The following TIAM1 variants were observed in gnomAD, a reference collection of about 807,000 sequenced individuals.
TIAM1 encodes the protein rho guanine nucleotide exchange factor TIAM1.
TIAM1 carries 65 observed loss-of-function variants against 163.5 expected under a neutral mutation model. That is an observed-to-expected ratio of 0.40 (90% CI 0.33 to 0.49). TIAM1 has a LOEUF of 0.49. Among genes scored for constraint, TIAM1 ranks in the 20% least tolerant of loss-of-function variants. The probability of loss-of-function intolerance (pLI) is 0.77; values close to 1 mark genes in which losing one functional copy is unlikely to be tolerated. For missense variants in TIAM1, 1,789 were observed against 2,044.7 expected (o/e 0.87, Z 2.41); for synonymous variants, 833 against 810.1 (o/e 1.03, Z -0.48).
intron 1 of TIAM1, among the ~76,000 whole-genome samples, chr21:31,477,721 T>C (rs1020101221): frequency 2.6e-5 from 4 of 152,038 alleles, no homozygotes; most frequent in African/African-American, 9.7e-5. Context: ...TTTTTTAAAA[T>C]TGAGATCAGG....
chr21:31,213,115 A>G, intron 10 of TIAM1: 1 of 362,020 alleles, frequency 2.8e-6, no homozygotes, highest in South Asian at 3.9e-5. Context: ...ATATTCAGCT[A>G]TTCAGAACCC....
Position 31,432,553 on chromosome 21 carries a change from G to A in TIAM1, c.-369+31430C>T, listed in dbSNP as rs533153303. On this transcript the variant is annotated intron_variant, in intron 2 of 28. Transcript: ENST00000286827. ...CATGGCCTTCCCAGACACACTCTCC[G>A]GCCAGTTTGTGAAAAAGCCATAGGA... 5.8e-4 allele frequency among the ~76,000 whole-genome samples: 89 copies of A among 152,234 alleles called. No homozygotes were observed. In the South Asian group the frequency reaches 0.018, roughly 30 times the overall value.
intron 2 of TIAM1, among the ~76,000 whole-genome samples, chr21:31,415,506 A>T (rs899859970): frequency 1.3e-5 from 2 of 152,140 alleles, no homozygotes; most frequent in Non-Finnish European, 2.9e-5. Context: ...AATCAGGGAT[A>T]TGGGTGATCA....
intron 7 of TIAM1, among the ~76,000 whole-genome samples, chr21:31,225,020 A>C (rs565166872): frequency 2.4e-4 from 36 of 152,106 alleles, no homozygotes; most frequent in East Asian, 1.7e-3. Context: ...ATCTCTCTCT[A>C]TATATATCTA....
intron 1 of TIAM1, among the ~76,000 whole-genome samples, chr21:31,491,467 C>G (rs1473834846): frequency 2.0e-5 from 3 of 152,208 alleles, no homozygotes; most frequent in African/African-American, 7.2e-5. Flanking sequence ...TGATCCCCAG[C>G]AAGGCACAGA....
At chr21:31,394,728 T>TCTCTCTCACACACA (rs1279053911) in intron 2 of TIAM1, among the ~76,000 whole-genome samples, 2 of 95,704 alleles carry the variant, frequency 2.1e-5, no homozygotes, top group African/African-American at 8.3e-5. Flanking sequence ...TCTCTCTCTC[T>TCTCTCTCACACACA]CACACACACA....
intron 2 of TIAM1, among the ~76,000 whole-genome samples, chr21:31,410,078 G>A (rs772815956): frequency 6.8e-6 from 1 of 146,748 alleles, no homozygotes; most frequent in African/African-American, 2.7e-5. Context: ...CAGCACTGAG[G>A]GCGTAGCAGT....
At chr21:31,190,057 TG>T (rs2085479781) in intron 13 of TIAM1, among the ~76,000 whole-genome samples, 2 of 152,164 alleles carry the variant, frequency 1.3e-5, no homozygotes, top group African/African-American at 2.4e-5. Flanking sequence ...GAAGGGATCA[TG>T]AGTGGCAACT....
chr21:31,167,970 T>G (rs959103391), intron 15 of TIAM1, among the ~76,000 whole-genome samples: 1 of 151,810 alleles, frequency 6.6e-6, no homozygotes, highest in African/African-American at 2.4e-5. Context: ...TAAAAAGACA[T>G]AGACTAAAAG....
chr21:31,488,887 A>C (rs79573360), intron 1 of TIAM1, among the ~76,000 whole-genome samples: 1 of 152,100 alleles, frequency 6.6e-6, no homozygotes, highest in Non-Finnish European at 1.5e-5. Context: ...ACAGGAAAAC[A>C]TAAGTGAAAA....
intron 2 of TIAM1, among the ~76,000 whole-genome samples, chr21:31,384,087 G>C (rs990953381): frequency 3.3e-5 from 5 of 152,082 alleles, no homozygotes; most frequent in African/African-American, 1.2e-4. Flanking sequence ...CCATATTCTT[G>C]TAACGCACTC....
chr21:31,493,709 G>A (rs73197644), intron 1 of TIAM1, among the ~76,000 whole-genome samples: 4,554 of 152,256 alleles, frequency 0.03, 92 homozygotes, highest in Non-Finnish European at 0.043. Context: ...ACACGTCGGA[G>A]CTGTGCTTTA....
chr21:31,515,599 A>G (rs1173044356), intron 1 of TIAM1, among the ~76,000 whole-genome samples: 3 of 152,228 alleles, frequency 2.0e-5, no homozygotes, highest in Non-Finnish European at 4.4e-5. Context: ...AACCTCTTCT[A>G]AAACTTGAAA....
chr21:31,222,707 A>ATTTTTTTTT (rs527864043), intron 8 of TIAM1, among the ~76,000 whole-genome samples: 2 of 32,886 alleles, frequency 6.1e-5, no homozygotes, highest in African/African-American at 2.7e-4. Flanking sequence ...ATATATATAT[A>ATTTTTTTTT]TTTTTTTTTT....
At chr21:31,358,077 C>T (rs550718955) in intron 2 of TIAM1, among the ~76,000 whole-genome samples, 45 of 152,328 alleles carry the variant, frequency 3.0e-4, no homozygotes, top group African/African-American at 7.0e-4. Flanking sequence ...TGTCCAGCTA[C>T]GGGGGCTGTG....
intron 2 of TIAM1, among the ~76,000 whole-genome samples, chr21:31,310,409 A>C (rs1041467252): frequency 1.3e-5 from 2 of 152,224 alleles, no homozygotes; most frequent in Non-Finnish European, 2.9e-5. Flanking sequence ...ATAGGCAGTA[A>C]GTAAACCTAT....
Position 31,463,035 on chromosome 21 carries a change from G to A in TIAM1, c.-369+948C>T, listed in dbSNP as rs117769752. 6.4e-3 allele frequency among the ~76,000 whole-genome samples: 973 copies of A among 152,210 alleles called. 5 individuals carry two copies. Among genetic ancestry groups the A allele is most frequent in the Non-Finnish European group, 0.011 (776 of 68,000 alleles). On this transcript the variant is annotated intron_variant, in intron 2 of 28. Coordinates refer to the TIAM1 transcript ENST00000286827. ...TGGGATTACAGGGGCATGAGCCACC[G>A]CGCCCAGCCAGCCTGCCTCTTCTTA...
At chr21:31,457,014 TCA>T (rs888669199) in intron 2 of TIAM1, among the ~76,000 whole-genome samples, 6 of 152,228 alleles carry the variant, frequency 3.9e-5, no homozygotes, top group African/African-American at 1.4e-4. Flanking sequence ...GCAATGTTTT[TCA>T]CAGTTTTCCT....
At chr21:31,222,028 A>T (rs2087590555) in intron 8 of TIAM1, among the ~76,000 whole-genome samples, 1 of 152,222 alleles carries the variant, frequency 6.6e-6, no homozygotes, top group African/African-American at 2.4e-5. Context: ...CTGAGCTGTA[A>T]TTAGCAGAAC....
Sources: allele counts gnomAD v4.1 joint callset (sites outside exome capture counted in the v4.1 genomes callset), GRCh38; gene constraint gnomAD v4.1.1; transcripts MANE v1.5; gene names NCBI Gene and HGNC (gene_info 2026-07-23, HGNC 2026-07-21).